Variants in RORA observed in about 807,000 individuals in gnomAD.
The protein encoded by RORA is nuclear receptor ROR-alpha.
Under a neutral mutation model 69.5 loss-of-function variants are expected in RORA, and 7 were observed. That is an observed-to-expected ratio of 0.10 (90% confidence interval 0.06 to 0.19). The LOEUF (loss-of-function observed/expected upper bound fraction) is 0.19. Ranked by LOEUF, RORA falls within the 10% of genes least tolerant of loss-of-function variation. The pLI is 1.00. For synonymous variants in RORA, 261 were observed against 240.8 expected, an observed-to-expected ratio of 1.08 and a Z score of -0.78; for missense variants, 457 against 663.0, an observed-to-expected ratio of 0.69 and a Z score of 3.41.
chr15:60,951,367 A>C (rs1425099362), intron 1 of RORA, among the ~76,000 whole-genome samples: 2 of 140,416 alleles, frequency 1.4e-5, no homozygotes, highest in African/African-American at 5.4e-5. Flanking sequence ...CCCTAACATC[A>C]CAATTAAAAG....
chr15:60,501,483 G>A (rs1304152560), intron 8 of RORA, among the ~76,000 whole-genome samples: 1 of 152,134 alleles, frequency 6.6e-6, no homozygotes, highest in Non-Finnish European at 1.5e-5. Flanking sequence ...AGGAAACTGA[G>A]ACTTGGAGAG....
chr15:60,510,211 C>A (rs1199152172), intron 5 of RORA, among the ~76,000 whole-genome samples: 1 of 152,186 alleles, frequency 6.6e-6, no homozygotes, highest in Admixed American at 6.5e-5. Context: ...AACTAATTGA[C>A]ATATCCCAAA....
chr15:60,594,440 T>G (rs960194186), intron 2 of RORA, among the ~76,000 whole-genome samples: 1 of 152,234 alleles, frequency 6.6e-6, no homozygotes, highest in Non-Finnish European at 1.5e-5. Flanking sequence ...CATCGGAGAC[T>G]GCATCCTCGG....
At chr15:61,023,336 G>A (rs185136196) in intron 1 of RORA, among the ~76,000 whole-genome samples, 154 of 152,224 alleles carry the variant, frequency 1.0e-3, no homozygotes, top group African/African-American at 3.2e-3. Flanking sequence ...ATCATGGCAG[G>A]AGGCAAAAGA....
At chr15:60,979,333 T>C (rs1475193763) in intron 1 of RORA, among the ~76,000 whole-genome samples, 3 of 150,376 alleles carry the variant, frequency 2.0e-5, no homozygotes, top group Admixed American at 6.6e-5. Context: ...TCATTTTCAT[T>C]TGAATTTTAG....
At position 60,491,763 on chromosome 15, in the gene RORA, T is replaced by C. The variant is rs1337183185; in HGVS notation, c.*5692A>G. 6.6e-6 allele frequency: 1 copy of C among 151,952 alleles called. No individual in the cohort carries two copies. Among genetic ancestry groups the C allele is most frequent in the Non-Finnish European group, 1.5e-5 (1 of 68,000 alleles). The allele number at this position is 151,952 out of a possible 1,614,324, so 9.4% of individuals were successfully genotyped here. The stretch of plus-strand genomic sequence containing the variant: ...TGAAACCAATTGCACTGTGGAGACA[T>C]TGCTAGTCAGTCTTCTCATCTCTTA... On this transcript the variant is annotated 3_prime_UTR_variant, in exon 11 of 11. Coordinates refer to ENST00000335670, the MANE Select transcript of RORA (RefSeq NM_134261.3).
At chr15:60,615,502 G>A (rs1042157418) in intron 2 of RORA, among the ~76,000 whole-genome samples, 2 of 152,150 alleles carry the variant, frequency 1.3e-5, no homozygotes, top group Admixed American at 6.5e-5. Context: ...ACTCTGTACC[G>A]GGGGCTCCAG....
At chr15:61,218,626 T>C (rs985755879) in intron 1 of RORA, among the ~76,000 whole-genome samples, 3 of 151,556 alleles carry the variant, frequency 2.0e-5, no homozygotes, top group African/African-American at 4.9e-5. Flanking sequence ...CACTTTATCA[T>C]TTCATCATTT....
chr15:60,738,625 T>G (rs1436295640), intron 1 of RORA, among the ~76,000 whole-genome samples: 2 of 152,254 alleles, frequency 1.3e-5, no homozygotes, highest in Non-Finnish European at 2.9e-5. Context: ...ATTCTTACAT[T>G]CATTTTTGTC....
At chr15:60,816,782 G>A (rs117435876) in intron 1 of RORA, among the ~76,000 whole-genome samples, 6,100 of 148,530 alleles carry the variant, frequency 0.041, 203 homozygotes, top group Admixed American at 0.072. Flanking sequence ...GAAGTCTCCA[G>A]CTATCTTCTT....
intron 1 of RORA, among the ~76,000 whole-genome samples, chr15:60,801,885 G>A (rs2072587198): frequency 6.6e-6 from 1 of 152,246 alleles, no homozygotes. Context: ...GTGTATCTCA[G>A]TGTAAGAAGC....
chr15:61,044,811 T>C (rs745906958), intron 1 of RORA, among the ~76,000 whole-genome samples: 2 of 152,238 alleles, frequency 1.3e-5, no homozygotes, highest in Non-Finnish European at 2.9e-5. Flanking sequence ...CCAGACCTAC[T>C]GAATCATAAT....
At chr15:60,622,857 A>G (rs545472069) in intron 2 of RORA, among the ~76,000 whole-genome samples, 15 of 152,124 alleles carry the variant, frequency 9.9e-5, no homozygotes, top group Non-Finnish European at 1.6e-4. Flanking sequence ...CTGGGAGTAC[A>G]GGCATGCACC....
intron 2 of RORA, among the ~76,000 whole-genome samples, chr15:60,632,405 C>A (rs2069759226): frequency 6.6e-6 from 1 of 152,112 alleles, no homozygotes; most frequent in Non-Finnish European, 1.5e-5. Flanking sequence ...CTGCGCCCGG[C>A]CTCACTACCT....
chr15:61,043,284 C>A (rs1896870864), intron 1 of RORA, among the ~76,000 whole-genome samples: 1 of 152,168 alleles, frequency 6.6e-6, no homozygotes, highest in Non-Finnish European at 1.5e-5. Flanking sequence ...CACAAGTCAA[C>A]CACAGATGAC....
chr15:60,647,709 CCTTATACT>C (rs1258964901), intron 2 of RORA, among the ~76,000 whole-genome samples: 3 of 152,148 alleles, frequency 2.0e-5, no homozygotes, highest in Non-Finnish European at 4.4e-5. Flanking sequence ...GAGCCCAGCA[CCTTATACT>C]CAGGAGATAC....
At chr15:60,502,716 C>T (rs545374611) in intron 8 of RORA, 44 bp downstream of exon 8, 2 of 1,196,678 alleles carry the variant, frequency 1.7e-6, no homozygotes, top group African/African-American at 3.0e-5. Flanking sequence ...GCATCTTTTC[C>T]TATAGCCCTG....
At chr15:60,746,909 G>C (rs2071656667) in intron 1 of RORA, among the ~76,000 whole-genome samples, 1 of 152,222 alleles carries the variant, frequency 6.6e-6, no homozygotes, top group African/African-American at 2.4e-5. Flanking sequence ...GTGGGGAAGA[G>C]TCGAATTCCA....
At chr15:60,723,421 G>C (rs970300966) in intron 1 of RORA, among the ~76,000 whole-genome samples, 1 of 145,610 alleles carries the variant, frequency 6.9e-6, no homozygotes, top group African/African-American at 2.6e-5. Context: ...TTGAAAATTT[G>C]TGGAAAATTA....
Sources: gnomAD v4.1 joint callset for allele counts (sites outside exome capture counted in the v4.1 genomes callset) on GRCh38, gnomAD v4.1.1 for gene constraint, MANE v1.5 for transcripts, NCBI Gene and HGNC (gene_info 2026-07-23, HGNC 2026-07-21) for gene names.